TLK1: variants seen among roughly 807,000 people sequenced by gnomAD.
TLK1 encodes the protein tousled like kinase 1.
In TLK1, 24 loss-of-function variants were observed where a neutral mutation model predicts 105.3. That is an observed-to-expected ratio of 0.23 (90% CI 0.17 to 0.32). The LOEUF (loss-of-function observed/expected upper bound fraction) is 0.32. Among genes scored for constraint, TLK1 ranks in the 10% least tolerant of loss-of-function variants. The pLI is 1.00. For synonymous variants in TLK1, 321 were observed against 310.4 expected, an observed-to-expected ratio of 1.03 and a Z score of -0.36; for missense variants, 558 against 910.5, an observed-to-expected ratio of 0.61 and a Z score of 4.98.
chr2:171,202,468 T>C (rs1398668145), intron 1 of TLK1, among the ~76,000 whole-genome samples: 4 of 146,760 alleles, frequency 2.7e-5, no homozygotes, highest in Admixed American at 1.4e-4. Flanking sequence ...AAAAAAAGAA[T>C]TTCCCTGCCA....
intron 1 of TLK1, among the ~76,000 whole-genome samples, chr2:171,167,094 T>G (rs1692623094): frequency 6.6e-6 from 1 of 152,204 alleles, no homozygotes; most frequent in Admixed American, 6.5e-5. Context: ...AGGGCACATG[T>G]GATCATGGGA....
rs113763783 is a variant in TLK1, at chr2:171,012,963, T to G, written c.1335-1509A>C. ...AGATCCACAAAATTTGAAATGTAAT[T>G]TTCGGAACAGTTAGTCTTAAATTAG... On this transcript the variant is annotated intron_variant, in intron 13 of 20. Transcript: ENST00000431350. Among the ~76,000 whole-genome samples, 551 of 152,220 alleles carry G rather than the reference T, an allele frequency of 3.6e-3. 6 individuals are homozygous for G. Among genetic ancestry groups the G allele is most frequent in the African/African-American group, 0.012 (508 of 41,520 alleles).
Position 171,104,813 on chromosome 2 carries a change from G to C in TLK1, c.258+12926C>G, listed in dbSNP as rs138449936. On this transcript the variant is annotated intron_variant, in intron 2 of 20. Coordinates refer to ENST00000431350, the MANE Select transcript of TLK1 (RefSeq NM_012290.5). ...TAGTTCATTGTTGGTGTATAGAAAT[G>C]CTACTACTTTTTGTATGTTGATTTT... Among the ~76,000 whole-genome samples, 183 of 152,270 alleles carry C rather than the reference G, an allele frequency of 1.2e-3. 4 individuals carry two copies. The highest frequency in any genetic ancestry group is 4.0e-3 in the African/African-American group (166 of 41,554).
At chr2:171,133,856 G>A (rs893697350) in intron 1 of TLK1, among the ~76,000 whole-genome samples, 4 of 150,936 alleles carry the variant, frequency 2.7e-5, no homozygotes, top group African/African-American at 7.3e-5. Flanking sequence ...CATATACATT[G>A]TGATGGTGTC....
At chr2:171,102,679 C>T (rs766758450) in intron 2 of TLK1, among the ~76,000 whole-genome samples, 7 of 152,164 alleles carry the variant, frequency 4.6e-5, no homozygotes, top group Non-Finnish European at 2.9e-5. Flanking sequence ...GCCTTATCTT[C>T]TTTGTGGAGA....
chr2:171,227,127 T>C (rs1352928585), intron 1 of TLK1, among the ~76,000 whole-genome samples: 3 of 152,140 alleles, frequency 2.0e-5, no homozygotes. Context: ...TTTCTATTGG[T>C]AAAAGTGTCC....
At position 170,993,693 on chromosome 2, in the gene TLK1, A is replaced by ATT; in HGVS notation, c.*86_*87insAA. 1 of 1,057,374 alleles carries ATT rather than the reference A, an allele frequency of 9.5e-7. No individual in the cohort carries two copies. Among genetic ancestry groups the ATT allele is most frequent in the Non-Finnish European group, 1.3e-6 (1 of 785,602 alleles). The allele number at this position is 1,057,374 out of a possible 1,614,324, so 65.5% of individuals were successfully genotyped here. ...TAAAAAAAAAAAAAAAAAAAAAAGA[A>ATT]AAAGAAAACAAACACTCAAATGCTC... On this transcript the variant is annotated 3_prime_UTR_variant, in exon 21 of 21. Coordinates refer to ENST00000431350, the MANE Select transcript of TLK1 (RefSeq NM_012290.5).
At chr2:170,994,868 C>G (rs1683979788) in intron 20 of TLK1, among the ~76,000 whole-genome samples, 2 of 152,004 alleles carry the variant, frequency 1.3e-5, no homozygotes, top group Non-Finnish European at 2.9e-5. Flanking sequence ...GGGGAGGGAA[C>G]AGATAAAATA....
rs1406763234 is a variant in TLK1 at position 171,087,860 on chromosome 2, C to T, written c.259-5008G>A. Among the ~76,000 whole-genome samples the T allele has an allele frequency of 5.3e-5, 8 of 152,182 alleles. No individual in the cohort carries two copies. The East Asian group carries it at 1.5e-3, about 29-fold the overall frequency. On this transcript the variant is annotated intron_variant, in intron 2 of 20. Coordinates refer to ENST00000431350, the MANE Select transcript of TLK1 (RefSeq NM_012290.5). Reference sequence around the variant, plus strand: ...GATGCATAAGGCACAGCTGAGAAAACAGAGAAGGTTAAGTAGAAAGTCTAC... The same window carrying T: ...GATGCATAAGGCACAGCTGAGAAAATAGAGAAGGTTAAGTAGAAAGTCTAC...
chr2:170,995,537 T>TA (rs1684015378), intron 20 of TLK1, among the ~76,000 whole-genome samples: 1 of 152,038 alleles, frequency 6.6e-6, no homozygotes, highest in African/African-American at 2.4e-5. Context: ...CAGTCAGTAT[T>TA]AAACAAACAG....
chr2:171,040,528 T>C (rs1686612564), intron 11 of TLK1, among the ~76,000 whole-genome samples: 1 of 151,938 alleles, frequency 6.6e-6, no homozygotes, highest in African/African-American at 2.4e-5. Flanking sequence ...AAGAGATAAG[T>C]AGTCTACTAA....
intron 1 of TLK1, among the ~76,000 whole-genome samples, chr2:171,146,305 CAG>C (rs1691788813): frequency 7.2e-6 from 1 of 139,744 alleles, no homozygotes; most frequent in African/African-American, 2.7e-5. Flanking sequence ...GCCGGGACAA[CAG>C]AGTGAGACTC....
rs1693977641 is a variant in TLK1 at position 171,230,573 on chromosome 2, A to AC, written c.-6+571dup. ...TCTCCACACTTTGGACCACTCTAAA[A>AC]CCCCTAAACACCCTAGCCCCAGACT... On this transcript the variant is annotated intron_variant, in intron 1 of 20. Transcript: ENST00000521943. Among the ~76,000 whole-genome samples, 4 of 152,020 alleles carry AC rather than the reference A, an allele frequency of 2.6e-5. No homozygotes were observed. The South Asian group carries it at 8.3e-4, about 32-fold the overall frequency.
At chr2:171,136,484 T>C (rs1691330062) in intron 1 of TLK1, among the ~76,000 whole-genome samples, 1 of 152,018 alleles carries the variant, frequency 6.6e-6, no homozygotes, top group South Asian at 2.1e-4. Flanking sequence ...CTGAGGCAAG[T>C]GAACCTGGGA....
At chr2:171,136,734 TCTG>T (rs1433980142) in intron 1 of TLK1, among the ~76,000 whole-genome samples, 5 of 152,212 alleles carry the variant, frequency 3.3e-5, no homozygotes, top group African/African-American at 1.2e-4. Context: ...CAGAGAAACA[TCTG>T]CTCTTTAACT....
At chr2:171,146,704 G>A (rs932127656) in intron 1 of TLK1, among the ~76,000 whole-genome samples, 7 of 152,204 alleles carry the variant, frequency 4.6e-5, no homozygotes, top group African/African-American at 1.2e-4. Flanking sequence ...TTTAACAGCA[G>A]TTAAACTGGA....
At chr2:171,105,513 C>A (rs947797197) in intron 2 of TLK1, among the ~76,000 whole-genome samples, 1 of 152,004 alleles carries the variant, frequency 6.6e-6, no homozygotes. Context: ...TGGTGAAACG[C>A]CATCTCTACT....
chr2:171,158,167 T>C (rs1287296733), intron 1 of TLK1, among the ~76,000 whole-genome samples: 3 of 152,218 alleles, frequency 2.0e-5, no homozygotes, highest in African/African-American at 7.2e-5. Context: ...AAAATGAATA[T>C]AACCCTAGAG....
Position 171,131,856 on chromosome 2 carries a change from G to C in TLK1, c.140-13999C>G, listed in dbSNP as rs1368928912. On this transcript the variant is annotated intron_variant, in intron 1 of 20. Transcript: ENST00000431350. The stretch of plus-strand genomic sequence containing the variant: ...TACTTTTTTTTTTTCCAACAATTGA[G>C]ATTACATTTTATACAGTGGTAGCCC... 2.7e-5 allele frequency among the ~76,000 whole-genome samples: 4 copies of C among 150,934 alleles called. No individual in the cohort carries two copies. In the East Asian group the frequency reaches 7.8e-4, roughly 29 times the overall value.
Sources: gnomAD v4.1 joint callset for allele counts (sites outside exome capture counted in the v4.1 genomes callset) on GRCh38, gnomAD v4.1.1 for gene constraint, MANE v1.5 for transcripts, NCBI Gene and HGNC (gene_info 2026-07-23, HGNC 2026-07-21) for gene names.